The following RASSF3 variants were observed in gnomAD, a reference collection of about 807,000 sequenced individuals.
RASSF3 encodes ras association domain-containing protein 3.
In RASSF3, 19 loss-of-function variants were observed where a neutral mutation model predicts 19.9. The observed-to-expected ratio is 0.96, with a 90% confidence interval of 0.67 to 1.40. The LOEUF is 1.40. Among genes scored for constraint, RASSF3 ranks in the 40% most tolerant of loss-of-function variants. The pLI is 0.00. For synonymous variants in RASSF3, 110 were observed against 104.2 expected (o/e 1.06, Z -0.34); for missense variants, 306 against 289.8 (o/e 1.06, Z -0.41).
intron 2 of RASSF3, among the ~76,000 whole-genome samples, chr12:64,571,117 T>C (rs1236009315): frequency 2.6e-5 from 4 of 151,964 alleles, no homozygotes; most frequent in Non-Finnish European, 5.9e-5. Flanking sequence ...CTTGGGAGGC[T>C]GAGGCAGGAG....
intron 1 of RASSF3, among the ~76,000 whole-genome samples, chr12:64,611,114 C>T (rs185618707): frequency 8.6e-4 from 131 of 152,258 alleles, no homozygotes; most frequent in Middle Eastern, 6.8e-3. Context: ...CGGTCGGGTT[C>T]GCGCGCCTGT....
At chr12:64,619,894 C>T (rs1020119313) in intron 1 of RASSF3, among the ~76,000 whole-genome samples, 6 of 151,154 alleles carry the variant, frequency 4.0e-5, no homozygotes, top group South Asian at 4.2e-4. Context: ...ACAGGAGAAT[C>T]GCTTGAACCT....
intron 2 of RASSF3, among the ~76,000 whole-genome samples, chr12:64,593,478 C>G (rs1161528298): frequency 6.6e-6 from 1 of 152,140 alleles, no homozygotes; most frequent in Admixed American, 6.6e-5. Flanking sequence ...ACCTCAGCCT[C>G]CCAAAGTGCT....
intron 1 of RASSF3, among the ~76,000 whole-genome samples, chr12:64,527,895 A>G (rs2136107823): frequency 6.6e-6 from 1 of 152,252 alleles, no homozygotes; most frequent in South Asian, 2.1e-4. Context: ...AGATCAAGCC[A>G]CTGCACTCCA....
intron 1 of RASSF3, among the ~76,000 whole-genome samples, chr12:64,660,559 T>G (rs1872320116): frequency 6.6e-6 from 1 of 152,208 alleles, no homozygotes; most frequent in African/African-American, 2.4e-5. Flanking sequence ...AATTCTAATT[T>G]CTTGGCCTTT....
At chr12:64,611,916 G>A (rs1184510565) in intron 1 of RASSF3, among the ~76,000 whole-genome samples, 1 of 152,164 alleles carries the variant, frequency 6.6e-6, no homozygotes. Flanking sequence ...AGGAGGAGGA[G>A]AGGAGACGGT....
intron 1 of RASSF3, among the ~76,000 whole-genome samples, chr12:64,676,404 G>A (rs1872903441): frequency 6.7e-6 from 1 of 150,364 alleles, no homozygotes; most frequent in Admixed American, 6.6e-5. Flanking sequence ...CTTGACCTCA[G>A]GTGATCCACC....
upstream of RASSF3, among the ~76,000 whole-genome samples, chr12:64,606,282 G>A (rs982270776): frequency 1.3e-5 from 2 of 152,166 alleles, no homozygotes; most frequent in African/African-American, 4.8e-5. Flanking sequence ...TGTGAGCTGA[G>A]ATTGGACTTC....
At chr12:64,639,556 C>T (rs1295302082) in intron 1 of RASSF3, among the ~76,000 whole-genome samples, 5 of 152,174 alleles carry the variant, frequency 3.3e-5, no homozygotes, top group East Asian at 1.9e-4. Flanking sequence ...GCCTTAATTA[C>T]GAAGAATGGC....
downstream of RASSF3, among the ~76,000 whole-genome samples, chr12:64,543,605 G>A (rs977227861): frequency 3.1e-4 from 44 of 144,062 alleles, no homozygotes; most frequent in African/African-American, 1.1e-3. Flanking sequence ...ATGGCACCCG[G>A]TCCCATCCAC....
intron 4 of RASSF3, among the ~76,000 whole-genome samples, chr12:64,694,251 G>A (rs1342867336): frequency 6.6e-6 from 1 of 152,178 alleles, no homozygotes; most frequent in African/African-American, 2.4e-5. Flanking sequence ...CATAAGAGCC[G>A]AGTGAGGAGG....
intron 1 of RASSF3, among the ~76,000 whole-genome samples, chr12:64,640,460 C>T (rs1237210843): frequency 6.6e-6 from 1 of 152,062 alleles, no homozygotes; most frequent in African/African-American, 2.4e-5. Flanking sequence ...TTCTCATTTC[C>T]CTCTCTACCT....
At chr12:64,541,201 G>A (rs1456686765) in intron 1 of RASSF3, among the ~76,000 whole-genome samples, 1 of 149,540 alleles carries the variant, frequency 6.7e-6, no homozygotes, top group African/African-American at 2.5e-5. Context: ...GCCCAGGCTG[G>A]TATTGAACTC....
intron 2 of RASSF3, among the ~76,000 whole-genome samples, chr12:64,557,716 T>G (rs1869277724): frequency 6.6e-6 from 1 of 152,114 alleles, no homozygotes; most frequent in Non-Finnish European, 1.5e-5. Context: ...TTAATGCATA[T>G]TCCTCATCCT....
intron 1 of RASSF3, among the ~76,000 whole-genome samples, chr12:64,624,436 AT>A (rs1870912892): frequency 6.6e-6 from 1 of 151,392 alleles, no homozygotes; most frequent in Admixed American, 6.6e-5. Context: ...TTTTTAATTT[AT>A]TTTTATTTTT....
chr12:64,657,049 G>T (rs545410213), intron 1 of RASSF3, among the ~76,000 whole-genome samples: 3 of 145,268 alleles, frequency 2.1e-5, no homozygotes, highest in African/African-American at 7.6e-5. Flanking sequence ...TTACTCTGTC[G>T]CCCAGGCTGG....
intron 2 of RASSF3, among the ~76,000 whole-genome samples, chr12:64,553,428 T>C (rs1869198859): frequency 6.6e-6 from 1 of 151,998 alleles, no homozygotes; most frequent in Admixed American, 6.6e-5. Flanking sequence ...TGCAAAGAAA[T>C]TTGGAAGAGT....
intron 1 of RASSF3, among the ~76,000 whole-genome samples, chr12:64,629,439 C>CT (rs1463635858): frequency 6.6e-6 from 1 of 152,086 alleles, no homozygotes; most frequent in African/African-American, 2.4e-5. Flanking sequence ...AAGGACTATA[C>CT]TTAAATGCAT....
At chr12:64,632,895 A>G (rs1027838173) in intron 1 of RASSF3, among the ~76,000 whole-genome samples, 4 of 152,186 alleles carry the variant, frequency 2.6e-5, no homozygotes, top group Non-Finnish European at 5.9e-5. Flanking sequence ...GGAAGAGTAA[A>G]CTTCACAGAC....
Sources: allele counts gnomAD v4.1 joint callset (sites outside exome capture counted in the v4.1 genomes callset), GRCh38; gene constraint gnomAD v4.1.1; transcripts MANE v1.5; gene names NCBI Gene and HGNC (gene_info 2026-07-23, HGNC 2026-07-21).